Variants in MMP26 observed in about 807,000 individuals in gnomAD.
The protein encoded by MMP26 is matrix metallopeptidase 26, also known as matrix metalloproteinase-26.
A neutral mutation model predicts 31.0 loss-of-function variants in MMP26; 33 were observed. The ratio of observed to expected loss-of-function variants is 1.06; its 90% confidence interval spans 0.81 to 1.42. The LOEUF is 1.42. Among genes scored for constraint, MMP26 ranks in the 40% most tolerant of loss-of-function variants. The pLI, the probability that MMP26 is intolerant of heterozygous loss-of-function variation, is 0.00. For missense variants in MMP26, 347 were observed against 316.1 expected (o/e 1.10, Z -0.74); for synonymous variants, 122 against 114.9 (o/e 1.06, Z -0.40).
At chr11:4,731,255 G>A (rs973578104) in intron 1 of MMP26, among the ~76,000 whole-genome samples, 1 of 152,094 alleles carries the variant, frequency 6.6e-6, no homozygotes, top group African/African-American at 2.4e-5. Context: ...ACTATTTTCA[G>A]TAGGCCACTT....
chr11:4,982,002 A>C lies in MMP26; in HGVS notation c.-144-6066A>C, dbSNP rs1001442079. Among the ~76,000 whole-genome samples, 22 of 151,880 alleles carry C rather than the reference A, an allele frequency of 1.4e-4. 1 individual carries two copies. Among genetic ancestry groups the C allele is most frequent in the African/African-American group, 5.3e-4 (22 of 41,442 alleles). On this transcript the variant is annotated intron_variant, in intron 2 of 7. Transcript: ENST00000380390. ...CTATAACAACAATTCCTTCTTCTGA[A>C]ATACCTCCTGACTGACCTGCCTGAA...
At position 4,842,312 on chromosome 11, in the gene MMP26, G is replaced by C. The variant is rs549968027; in HGVS notation, c.-145+74971G>C. On this transcript the variant is annotated intron_variant, in intron 2 of 7. Coordinates refer to ENST00000380390, the MANE Select transcript of MMP26 (RefSeq NM_021801.5). ...TAAAATAGTATTTGAAAGCCTCATG[G>C]TATATTAGTTCATGCTTACATTGCT... Among the ~76,000 whole-genome samples, 13 of 152,288 alleles carry C rather than the reference G, an allele frequency of 8.5e-5. No individual in the cohort carries two copies. In the East Asian group the frequency reaches 2.3e-3, roughly 27 times the overall value.
At chr11:4,981,799 C>A (rs1433054465) in intron 2 of MMP26, among the ~76,000 whole-genome samples, 5 of 151,694 alleles carry the variant, frequency 3.3e-5, no homozygotes, top group African/African-American at 9.7e-5. Context: ...ATTCTATAAG[C>A]TTTTTATACT....
At position 4,770,055 on chromosome 11, in the gene MMP26, CATT is replaced by C. The variant is rs761854615; in HGVS notation, c.-145+2715_-145+2717del. ...CCAAGGTCATAGATAAGATCTGCATCATTGAGAAACCTTTAAATTAAATTATAA... is the reference window on the plus strand; with the variant it reads ...CCAAGGTCATAGATAAGATCTGCATCGAGAAACCTTTAAATTAAATTATAA... On this transcript the variant is annotated intron_variant, in intron 2 of 7. Coordinates refer to ENST00000380390, the MANE Select transcript of MMP26 (RefSeq NM_021801.5). 1.0e-4 allele frequency: 60 copies of C among 592,420 alleles called. No individual in the cohort carries two copies. In the Admixed American group the frequency reaches 1.6e-3, roughly 16 times the overall value. 36.7% of individuals were successfully genotyped at this position (592,420 alleles called of 1,614,324 possible).
intron 2 of MMP26, among the ~76,000 whole-genome samples, chr11:4,846,259 A>G (rs912336965): frequency 6.6e-6 from 1 of 152,198 alleles, no homozygotes; most frequent in South Asian, 2.1e-4. Flanking sequence ...AACAGTATGG[A>G]TGAAATTAAA....
chr11:4,989,649 G>A lies in MMP26; in HGVS notation c.101G>A (p.Gly34Asp). 2 of 1,610,038 alleles carry A rather than the reference G, an allele frequency of 1.2e-6. No homozygotes were observed. The highest frequency in any genetic ancestry group is 1.7e-6 in the Non-Finnish European group (2 of 1,179,068). Residue 34 changes from glycine (G) to aspartate (D), a missense_variant and splice_region_variant, in exon 4 of 8, where the codon GGC (glycine) becomes GAC (aspartate). Coordinates refer to ENST00000380390, the MANE Select transcript of MMP26 (RefSeq NM_021801.5). ...CTCATCCTTCTTGATCTGATTCAGG[G>A]CTATTTCCATCAATTTTTCCTGACC... Reference protein sequence around the residue: ...ADHKGWDFVEGYFHQFFLTKK... With the variant: ...ADHKGWDFVEDYFHQFFLTKK...
Position 4,933,723 on chromosome 11 carries a change from C to G in MMP26, c.-144-54345C>G, listed in dbSNP as rs1589943578. On this transcript the variant is annotated intron_variant, in intron 2 of 7. Transcript: ENST00000380390. ...TATCTCCCAATGCTATTCCTCCCCCCTCCCCCCACCCCACCACAGTCCCCA... is the reference window on the plus strand; with the variant it reads ...TATCTCCCAATGCTATTCCTCCCCCGTCCCCCCACCCCACCACAGTCCCCA... 4.8e-5 allele frequency among the ~76,000 whole-genome samples: 6 copies of G among 125,622 alleles called. No homozygotes were observed. The Admixed American group carries it at 5.1e-4, about 11-fold the overall frequency. The allele number at this position is 125,622 out of a possible 152,430, so 82.4% of individuals were successfully genotyped here. A position where few individuals can be genotyped will look rare whatever the true frequency, so the allele number is the denominator to read the frequency against.
intron 1 of MMP26, chr11:4,710,600 A>C: frequency 2.8e-6 from 1 of 353,714 alleles, no homozygotes; most frequent in South Asian, 2.1e-5. Context: ...TGTTTATTGA[A>C]ACAGCTGGTT....
intron 5 of MMP26, 57 bp downstream of exon 5, chr11:4,990,803 G>T: frequency 2.7e-6 from 4 of 1,505,918 alleles, no homozygotes; most frequent in South Asian, 1.4e-5. Flanking sequence ...AGGACAAAGG[G>T]TTTCCATCCT....
At chr11:4,943,652 C>T (rs960340411) in intron 2 of MMP26, 3 of 363,952 alleles carry the variant, frequency 8.2e-6, no homozygotes, top group African/African-American at 2.1e-5. Flanking sequence ...TGTCCCCAGA[C>T]ATTGCCAAAT....
intron 2 of MMP26, among the ~76,000 whole-genome samples, chr11:4,928,897 C>A (rs1041423628): frequency 1.3e-5 from 2 of 152,068 alleles, no homozygotes; most frequent in African/African-American, 4.8e-5. Context: ...CAGGCAGGGC[C>A]CTCACTGATA....
At chr11:4,925,044 T>G (rs180948519) in intron 2 of MMP26, among the ~76,000 whole-genome samples, 1 of 152,230 alleles carries the variant, frequency 6.6e-6, no homozygotes, top group South Asian at 2.1e-4. Context: ...AAAGATAACA[T>G]TTATTAAATG....
chr11:4,789,537 T>TG, intron 2 of MMP26, among the ~76,000 whole-genome samples: 1 of 102,128 alleles, frequency 9.8e-6, no homozygotes, highest in Non-Finnish European at 1.8e-5. Context: ...CCACTTTTTT[T>TG]TTTTTTTTTT....
Position 4,992,010 on chromosome 11 carries a change from G to A in MMP26, c.642G>A (p.Leu214=). 1 of 1,612,404 alleles carries A rather than the reference G, an allele frequency of 6.2e-7. No individual in the cohort carries two copies. Among genetic ancestry groups the A allele is most frequent in the Non-Finnish European group, 8.5e-7 (1 of 1,179,588 alleles). The change falls in exon 7 of 8, where the codon TTG becomes TTA. Residue 214 remains leucine, a synonymous_variant. Coordinates refer to ENST00000380390, the MANE Select transcript of MMP26 (RefSeq NM_021801.5). The stretch of plus-strand genomic sequence containing the variant: ...CAACTCATGAGATTGGGCATTCTTT[G>A]GGCCTGCAGCACTCTGGGAATCAGA... The part of the protein sequence containing the change: ...LVATHEIGHS[L]GLQHSGNQSS...
At chr11:4,747,074 G>A (rs1848391401) in intron 1 of MMP26, among the ~76,000 whole-genome samples, 1 of 152,156 alleles carries the variant, frequency 6.6e-6, no homozygotes, top group African/African-American at 2.4e-5. Flanking sequence ...AATTGCGGTA[G>A]GGTTCTTAGT....
chr11:4,733,269 G>A (rs192005436), intron 1 of MMP26, among the ~76,000 whole-genome samples: 1 of 152,324 alleles, frequency 6.6e-6, no homozygotes, highest in African/African-American at 2.4e-5. Context: ...GCGAGATTAA[G>A]TCTTCAAATC....
In MMP26 at chr11:4,823,069, C is replaced by T. The variant is rs1242010453; in HGVS notation, c.-145+55728C>T. 2.0e-5 allele frequency among the ~76,000 whole-genome samples: 3 copies of T among 151,958 alleles called. No homozygotes were observed. The East Asian group carries it at 5.8e-4, about 29-fold the overall frequency. Reference sequence around the variant, plus strand: ...TGTAAGAGAATCTGTACTTTTGGCTCATATTTATCTCTATCCCTGATTTTA... The same window carrying T: ...TGTAAGAGAATCTGTACTTTTGGCTTATATTTATCTCTATCCCTGATTTTA... On this transcript the variant is annotated intron_variant, in intron 2 of 7. Transcript: ENST00000380390.
At chr11:4,894,482 A>T (rs1196145951) in intron 2 of MMP26, among the ~76,000 whole-genome samples, 2 of 152,180 alleles carry the variant, frequency 1.3e-5, no homozygotes, top group Non-Finnish European at 2.9e-5. Context: ...ATGCAATATA[A>T]ATGTTAAGGA....
At chr11:4,774,307 A>C (rs1189100419) in intron 2 of MMP26, among the ~76,000 whole-genome samples, 1 of 152,138 alleles carries the variant, frequency 6.6e-6, no homozygotes, top group African/African-American at 2.4e-5. Flanking sequence ...TGACTTTTTA[A>C]TAATGGCCAT....
Sources: gnomAD v4.1 joint callset for allele counts (sites outside exome capture counted in the v4.1 genomes callset) on GRCh38, gnomAD v4.1.1 for gene constraint, MANE v1.5 for transcripts, NCBI Gene and HGNC (gene_info 2026-07-23, HGNC 2026-07-21) for gene names.